IGSF11: variants seen among roughly 807,000 people sequenced by gnomAD.
IGSF11 encodes immunoglobulin superfamily member 11.
Under a neutral mutation model 41.0 loss-of-function variants are expected in IGSF11, and 22 were observed. That is an observed-to-expected ratio of 0.54 (90% CI 0.38 to 0.77). The LOEUF is 0.77. IGSF11 is among the 30% of genes least tolerant of loss of function. The probability of loss-of-function intolerance (pLI) is 0.00; values close to 1 mark genes in which losing one functional copy is unlikely to be tolerated. For synonymous variants in IGSF11, 219 were observed against 201.3 expected, an observed-to-expected ratio of 1.09 and a Z score of -0.74; for missense variants, 444 against 530.8, an observed-to-expected ratio of 0.84 and a Z score of 1.61.
chr3:118,984,293 G>A (rs1576554710), intron 1 of IGSF11, among the ~76,000 whole-genome samples: 2 of 152,084 alleles, frequency 1.3e-5, no homozygotes, highest in Middle Eastern at 3.4e-3. Flanking sequence ...GGGACACAAA[G>A]CACATTGGTT....
chr3:118,907,671 T>A (rs1939778346), intron 4 of IGSF11, among the ~76,000 whole-genome samples: 1 of 152,256 alleles, frequency 6.6e-6, no homozygotes, highest in South Asian at 2.1e-4. Flanking sequence ...CCTCATTTAA[T>A]GTTCGTAACA....
At chr3:119,117,787 C>T (rs6802690) in intron 1 of IGSF11, among the ~76,000 whole-genome samples, 142,957 of 152,250 alleles carry the variant, frequency 0.94, 67,191 homozygotes, top group East Asian at 1. Context: ...GGTTACTTCC[C>T]AGATACAATG....
chr3:118,910,156 T>C (rs537401787), intron 4 of IGSF11, among the ~76,000 whole-genome samples: 1 of 152,352 alleles, frequency 6.6e-6, no homozygotes, highest in East Asian at 1.9e-4. Context: ...AGTATATCTC[T>C]ATGTTGACTG....
chr3:119,050,119 C>T (rs1941553722), intron 1 of IGSF11, among the ~76,000 whole-genome samples: 1 of 150,214 alleles, frequency 6.7e-6, no homozygotes, highest in South Asian at 2.2e-4. Flanking sequence ...ACACCAAAAG[C>T]AATGGCAACA....
chr3:118,953,503 G>C (rs937211383), intron 1 of IGSF11, among the ~76,000 whole-genome samples: 2 of 152,150 alleles, frequency 1.3e-5, no homozygotes, highest in Admixed American at 1.3e-4. Flanking sequence ...GGTTGTACTA[G>C]TTTACATTCC....
In IGSF11 at chr3:118,921,693, C is replaced by T. The variant is rs369794402; in HGVS notation, c.580+4408G>A. 5.0e-4 allele frequency among the ~76,000 whole-genome samples: 76 copies of T among 152,224 alleles called. 1 individual carries two copies. The highest frequency in any genetic ancestry group is 1.8e-3 in the African/African-American group (75 of 41,540). On this transcript the variant is annotated intron_variant, in intron 4 of 6. Transcript: ENST00000393775. ...GGGTTCAAAACTATGTCCACTGTCT[C>T]CAGAACTTACACTCTTACATACATT...
At chr3:119,113,701 G>C (rs1403835300) in intron 1 of IGSF11, among the ~76,000 whole-genome samples, 1 of 152,176 alleles carries the variant, frequency 6.6e-6, no homozygotes, top group Non-Finnish European at 1.5e-5. Flanking sequence ...TGTGGAGGAT[G>C]GTGACCCTCT....
At chr3:119,031,201 G>A (rs1160618523) in intron 1 of IGSF11, among the ~76,000 whole-genome samples, 2 of 152,146 alleles carry the variant, frequency 1.3e-5, no homozygotes, top group African/African-American at 4.8e-5. Flanking sequence ...GGATTGCAGT[G>A]AGCCAAGATG....
At position 118,902,408 on chromosome 3, in the gene IGSF11, T is replaced by C; in HGVS notation, c.*112A>G. 1.2e-6 allele frequency: 1 copy of C among 826,674 alleles called. No individual in the cohort carries two copies. Among genetic ancestry groups the C allele is most frequent in the South Asian group, 1.7e-5 (1 of 59,070 alleles). 51.2% of individuals were successfully genotyped at this position (826,674 alleles called of 1,614,324 possible). On this transcript the variant is annotated 3_prime_UTR_variant, in exon 7 of 7. Transcript: ENST00000393775. ...GCACTGCCTTCTTCTTTGTGCATTT[T>C]ACTAATATAATTATAAGGAAGTGTT...
intron 1 of IGSF11, among the ~76,000 whole-genome samples, chr3:119,026,162 T>TA (rs1939803282): frequency 2.6e-5 from 4 of 152,220 alleles, no homozygotes; most frequent in Admixed American, 1.3e-4. Context: ...ATTGAGTTTT[T>TA]ACCCTAGAAT....
At chr3:118,908,590 T>C (rs576528944) in intron 4 of IGSF11, among the ~76,000 whole-genome samples, 47 of 152,288 alleles carry the variant, frequency 3.1e-4, no homozygotes, top group African/African-American at 1.0e-3. Flanking sequence ...ATAAATATAT[T>C]TTTTAGCTTC....
intron 1 of IGSF11, among the ~76,000 whole-genome samples, chr3:119,004,290 C>T (rs540948665): frequency 6.6e-6 from 1 of 151,728 alleles, no homozygotes; most frequent in Non-Finnish European, 1.5e-5. Flanking sequence ...GTTTGTATTT[C>T]TGTGGGATCG....
intron 4 of IGSF11, among the ~76,000 whole-genome samples, chr3:118,913,268 T>C (rs1171322861): frequency 6.6e-6 from 1 of 151,964 alleles, no homozygotes; most frequent in Non-Finnish European, 1.5e-5. Flanking sequence ...TATTCAAAAA[T>C]ATAAGGACAG....
intron 1 of IGSF11, among the ~76,000 whole-genome samples, chr3:119,112,074 A>G (rs1215575598): frequency 2.0e-5 from 3 of 152,178 alleles, no homozygotes; most frequent in South Asian, 2.1e-4. Flanking sequence ...CAGTCTGCCC[A>G]TTCTCAGATC....
chr3:118,902,466 C>CAGGTT lies in IGSF11; in HGVS notation c.*53_*54insAACCT. On this transcript the variant is annotated 3_prime_UTR_variant, in exon 7 of 7. Transcript: ENST00000393775. ...CAGCACTCCCCACCCCACCCTCCCC[C>CAGGTT]TTGTATGAGGGCATTCCATTTATTC... 1.1e-6 allele frequency: 1 copy of CAGGTT among 878,268 alleles called. No individual in the cohort carries two copies. 54.4% of individuals were successfully genotyped at this position (878,268 alleles called of 1,614,324 possible). A position where few individuals can be genotyped will look rare whatever the true frequency, so the allele number is the denominator to read the frequency against.
In IGSF11 at chr3:118,902,466, C is replaced by CCCTTT; in HGVS notation, c.*53_*54insAAAGG. 2.3e-6 allele frequency: 2 copies of CCCTTT among 878,270 alleles called. No homozygotes were observed. Among genetic ancestry groups the CCCTTT allele is most frequent in the Non-Finnish European group, 1.8e-6 (1 of 544,884 alleles). 54.4% of individuals were successfully genotyped at this position (878,270 alleles called of 1,614,324 possible). A position where few individuals can be genotyped will look rare whatever the true frequency, so the allele number is the denominator to read the frequency against. ...CAGCACTCCCCACCCCACCCTCCCCCTTGTATGAGGGCATTCCATTTATTC... is the reference window on the plus strand; with the variant it reads ...CAGCACTCCCCACCCCACCCTCCCCCCCTTTTTGTATGAGGGCATTCCATTTATTC... On this transcript the variant is annotated 3_prime_UTR_variant, in exon 7 of 7. Coordinates refer to ENST00000393775, the MANE Select transcript of IGSF11 (RefSeq NM_001015887.3).
intron 1 of IGSF11, among the ~76,000 whole-genome samples, chr3:119,116,129 A>C (rs764703399): frequency 1.3e-5 from 2 of 152,226 alleles, no homozygotes; most frequent in African/African-American, 4.8e-5. Context: ...GGGTGTTTCT[A>C]GATGAGATTA....
chr3:119,043,054 T>A (rs530242463), intron 1 of IGSF11, among the ~76,000 whole-genome samples: 1 of 152,318 alleles, frequency 6.6e-6, no homozygotes, highest in Admixed American at 6.5e-5. Context: ...TATTAGAAGC[T>A]GTGGGTCACA....
chr3:119,031,752 G>T (rs1017758881), intron 1 of IGSF11, among the ~76,000 whole-genome samples: 5 of 152,190 alleles, frequency 3.3e-5, no homozygotes, highest in Admixed American at 6.5e-5. Context: ...TCAAACTACA[G>T]ATTTTTACTA....
Sources: allele counts gnomAD v4.1 joint callset (sites outside exome capture counted in the v4.1 genomes callset), GRCh38; gene constraint gnomAD v4.1.1; transcripts MANE v1.5; gene names NCBI Gene and HGNC (gene_info 2026-07-23, HGNC 2026-07-21).